The following SLC15A5 variants were observed in gnomAD, a reference collection of about 807,000 sequenced individuals.
SLC15A5 encodes Peptide/histidine transporter ENSP00000340402.
SLC15A5 carries 58 observed loss-of-function variants against 56.1 expected under a neutral mutation model. The ratio of observed to expected loss-of-function variants is 1.03; its 90% CI spans 0.84 to 1.29. SLC15A5 has a LOEUF of 1.29. Among genes scored for constraint, SLC15A5 ranks in the 50% most tolerant of loss-of-function variants. SLC15A5 has a pLI of 0.00. For missense variants in SLC15A5, 681 were observed against 672.1 expected, an observed-to-expected ratio of 1.01 and a Z score of -0.15; for synonymous variants, 264 against 250.5, an observed-to-expected ratio of 1.05 and a Z score of -0.51.
chr12:16,240,582 T>C (rs1025501476), intron 4 of SLC15A5, among the ~76,000 whole-genome samples: 17 of 152,126 alleles, frequency 1.1e-4, no homozygotes, highest in African/African-American at 3.9e-4. Context: ...AAAAAAACCC[T>C]GTGCTCCACC....
At chr12:16,220,068 A>G (rs1368664895) in intron 6 of SLC15A5, among the ~76,000 whole-genome samples, 1 of 152,146 alleles carries the variant, frequency 6.6e-6, no homozygotes, top group Non-Finnish European at 1.5e-5. Context: ...CGTTGTTCTT[A>G]AACAGTTAAA....
Position 16,243,039 on chromosome 12 carries a change from G to C in SLC15A5, c.975+1541C>G, listed in dbSNP as rs1012475074. 1.3e-4 allele frequency among the ~76,000 whole-genome samples: 20 copies of C among 152,092 alleles called. No individual in the cohort carries two copies. The highest frequency in any genetic ancestry group is 4.4e-5 in the Non-Finnish European group (3 of 68,026). On this transcript the variant is annotated intron_variant, in intron 4 of 8. Coordinates refer to ENST00000344941, the MANE Select transcript of SLC15A5 (RefSeq NM_001170798.1). The surrounding 1 kb of genome is among the most constrained non-coding windows in gnomAD (Gnocchi z 4.4). The stretch of plus-strand genomic sequence containing the variant: ...TAGAGGTCAAGAAATTTTCTGTAAA[G>C]GGCCAGATAGTAAATATGTCCACAT...
chr12:16,244,622 A>T lies in SLC15A5; in HGVS notation c.933T>A (p.Pro311=). The T allele has an allele frequency of 6.5e-7, 1 of 1,537,702 alleles. No individual in the cohort carries two copies. Among genetic ancestry groups the T allele is most frequent in the Non-Finnish European group, 8.7e-7 (1 of 1,147,006 alleles). The change falls in exon 4 of 9, where the codon CCT becomes CCA. Residue 311 remains proline (P), a synonymous_variant. Coordinates refer to ENST00000344941, the MANE Select transcript of SLC15A5 (RefSeq NM_001170798.1). The stretch of plus-strand genomic sequence containing the variant: ...TGTATAGGAGCTGAAAAATGAAGAG[A>T]GGGAGAAGGGTGAGGAAAAATGTTG... ...EDTTFFLTLL[P]LFIFQLLYRM...
chr12:16,223,293 G>A (rs1363739583), intron 6 of SLC15A5, among the ~76,000 whole-genome samples: 1 of 152,140 alleles, frequency 6.6e-6, no homozygotes, highest in Non-Finnish European at 1.5e-5. Context: ...AGAGATAATG[G>A]AGGTCGGAAG....
chr12:16,196,851 T>C lies in SLC15A5; in HGVS notation c.1484-2398A>G, dbSNP rs752847993. Among the ~76,000 whole-genome samples, 2 of 152,018 alleles carry C rather than the reference T, an allele frequency of 1.3e-5. No homozygotes were observed. The highest frequency in any genetic ancestry group is 1.3e-4 in the Admixed American group (2 of 15,240). ...GGTAAAACATAATATTTTAAAGAAATTGTTTCATTATGGCAAATACCAGCC... is the reference window on the plus strand; with the variant it reads ...GGTAAAACATAATATTTTAAAGAAACTGTTTCATTATGGCAAATACCAGCC... On this transcript the variant is annotated intron_variant, in intron 7 of 8. Coordinates refer to ENST00000344941, the MANE Select transcript of SLC15A5 (RefSeq NM_001170798.1). This position sits in a 1 kb window ranked among gnomAD's most constrained non-coding sequence, Gnocchi z 4.0.
At chr12:16,190,892 AAC>A (rs958948253) in intron 8 of SLC15A5, among the ~76,000 whole-genome samples, 10 of 152,136 alleles carry the variant, frequency 6.6e-5, no homozygotes, top group African/African-American at 2.4e-4. Context: ...TCAACTTTAT[AAC>A]ATGTGTTTCA....
At position 16,277,535 on chromosome 12, in the gene SLC15A5, G is replaced by C; in HGVS notation, c.151C>G (p.Leu51Val). 6.5e-7 allele frequency: 1 copy of C among 1,536,502 alleles called. No individual in the cohort carries two copies. Residue 51 changes from leucine (L) to valine (V), a missense_variant, in exon 1 of 9, where the codon CTG (leucine) becomes GTG (valine). Leu to Val is a conservative substitution (Grantham distance 32, BLOSUM62 1). Transcript: ENST00000344941. Reference protein sequence around the residue: ...QVGICLLLVELCERFTFFEVV... With the variant: ...QVGICLLLVEVCERFTFFEVV... ...TCAAAGAACGTGAACCTCTCACACAGCTCCACCAGAAGCAAGCAGATTCCA... is the reference window on the plus strand; with the variant it reads ...TCAAAGAACGTGAACCTCTCACACACCTCCACCAGAAGCAAGCAGATTCCA...
rs996144599 is a variant in SLC15A5 at position 16,243,495 on chromosome 12, C to T, written c.975+1085G>A. ...AAGTGCTGGGATTACAGGTGTAAGC[C>T]ACCACGCTGGGCTAAATTTTATATA... On this transcript the variant is annotated intron_variant, in intron 4 of 8. Coordinates refer to ENST00000344941, the MANE Select transcript of SLC15A5 (RefSeq NM_001170798.1). This position sits in a 1 kb window ranked among gnomAD's most constrained non-coding sequence, Gnocchi z 4.4. Among the ~76,000 whole-genome samples the T allele has an allele frequency of 2.6e-5, 4 of 152,142 alleles. No individual in the cohort carries two copies. Among genetic ancestry groups the T allele is most frequent in the African/African-American group, 9.7e-5 (4 of 41,424 alleles).
At chr12:16,208,801 A>AT (rs1416120142) in intron 7 of SLC15A5, among the ~76,000 whole-genome samples, 1 of 152,196 alleles carries the variant, frequency 6.6e-6, no homozygotes, top group Non-Finnish European at 1.5e-5. Context: ...AGGTGTATGC[A>AT]TTTTTTTAGT....
intron 5 of SLC15A5, among the ~76,000 whole-genome samples, chr12:16,230,696 G>A (rs1489359319): frequency 2.0e-5 from 3 of 150,476 alleles, no homozygotes; most frequent in Non-Finnish European, 3.0e-5. Flanking sequence ...GGTGGATCAC[G>A]AGGTCAGGAG....
At chr12:16,211,691 T>C (rs2136244406) in intron 7 of SLC15A5, among the ~76,000 whole-genome samples, 1 of 152,334 alleles carries the variant, frequency 6.6e-6, no homozygotes, top group African/African-American at 2.4e-5. Flanking sequence ...GACTTCTTCA[T>C]TCCCTTATAT....
intron 5 of SLC15A5, among the ~76,000 whole-genome samples, chr12:16,233,352 C>A (rs1864316983): frequency 6.6e-6 from 1 of 151,980 alleles, no homozygotes; most frequent in African/African-American, 2.4e-5. Flanking sequence ...ACTTACGTAA[C>A]AAGAGAGAAA....
intron 7 of SLC15A5, among the ~76,000 whole-genome samples, chr12:16,215,961 A>G (rs1488655010): frequency 6.6e-6 from 1 of 152,104 alleles, no homozygotes; most frequent in East Asian, 1.9e-4. Flanking sequence ...CTTGATAAAT[A>G]TTTTTCGAAT....
At chr12:16,247,778 T>G (rs980995472) in intron 3 of SLC15A5, among the ~76,000 whole-genome samples, 1 of 152,216 alleles carries the variant, frequency 6.6e-6, no homozygotes. Context: ...TCAGATCATA[T>G]AGCTCAAAGT....
intron 2 of SLC15A5, among the ~76,000 whole-genome samples, chr12:16,270,902 A>G (rs2136823192): frequency 6.6e-6 from 1 of 152,338 alleles, no homozygotes; most frequent in East Asian, 1.9e-4. Flanking sequence ...AAAAAAAGGC[A>G]AGACAACCAG....
chr12:16,255,659 T>C (rs1864563747), intron 3 of SLC15A5, among the ~76,000 whole-genome samples: 1 of 152,130 alleles, frequency 6.6e-6, no homozygotes, highest in South Asian at 2.1e-4. Flanking sequence ...AAGCTATTTG[T>C]TAGAATCTAC....
In SLC15A5 at chr12:16,207,736, C is replaced by T. The variant is rs140519896; in HGVS notation, c.1483+9157G>A. ...TGGTGCAATCTTGGCTCACTGCAAC[C>T]TCCGCCTCCAGGGTTCAAGCGATTC... On this transcript the variant is annotated intron_variant, in intron 7 of 8. Transcript: ENST00000344941. 1.4e-3 allele frequency among the ~76,000 whole-genome samples: 214 copies of T among 152,032 alleles called. 1 individual carries two copies. The highest frequency in any genetic ancestry group is 5.0e-3 in the African/African-American group (208 of 41,460).
At chr12:16,234,775 T>C (rs2136254979) in intron 5 of SLC15A5, among the ~76,000 whole-genome samples, 1 of 152,310 alleles carries the variant, frequency 6.6e-6, no homozygotes, top group African/African-American at 2.4e-5. Context: ...ACATTCCGAA[T>C]TTATTGAAAC....
chr12:16,214,627 G>A (rs1019285161), intron 7 of SLC15A5, among the ~76,000 whole-genome samples: 1 of 152,172 alleles, frequency 6.6e-6, no homozygotes, highest in African/African-American at 2.4e-5. Context: ...GAGCTCACCT[G>A]GTTGGCATTA....
Sources: allele counts gnomAD v4.1 joint callset (sites outside exome capture counted in the v4.1 genomes callset), GRCh38; gene constraint gnomAD v4.1.1; non-coding constraint Gnocchi (gnomAD v3.1); transcripts MANE v1.5; gene names NCBI Gene and HGNC (gene_info 2026-07-23, HGNC 2026-07-21).